The following CCDC102B variants were observed in gnomAD, a reference collection of about 807,000 sequenced individuals.
The protein encoded by CCDC102B is coiled-coil domain-containing protein 102B.
In CCDC102B, 75 loss-of-function variants were observed where a neutral mutation model predicts 57.4. The observed-to-expected ratio is 1.31, with a 90% CI of 1.08 to 1.58. The LOEUF (loss-of-function observed/expected upper bound fraction) is 1.58, where lower values mean the gene tolerates loss of function less well. CCDC102B is among the 40% of genes most tolerant of loss of function. The probability of loss-of-function intolerance (pLI) is 0.00; values close to 1 mark genes in which losing one functional copy is unlikely to be tolerated. For synonymous variants in CCDC102B, 206 were observed against 201.9 expected (o/e 1.02, Z -0.17); for missense variants, 636 against 582.6 (o/e 1.09, Z -0.94).
At chr18:68,988,409 AG>A (rs34810436) in intron 6 of CCDC102B, among the ~76,000 whole-genome samples, 152,009 of 152,010 alleles carry the variant, frequency 1, 76,004 homozygotes, top group Non-Finnish European at 1. Context: ...GGAGGGTGGG[AG>A]GGTATGGGTT....
intron 6 of CCDC102B, among the ~76,000 whole-genome samples, chr18:68,899,107 G>T (rs560955393): frequency 0.012 from 32 of 2,584 alleles, no homozygotes; most frequent in Admixed American, 0.019. Flanking sequence ...ATATCATTTT[G>T]ATGGTGAGGG....
intron 2 of CCDC102B, among the ~76,000 whole-genome samples, chr18:68,730,869 G>C (rs1175403557): frequency 2.0e-5 from 3 of 152,138 alleles, no homozygotes; most frequent in African/African-American, 4.8e-5. Flanking sequence ...AGTATCAAAA[G>C]GACTGAGTAA....
At chr18:68,953,074 A>G (rs1477976978) in intron 6 of CCDC102B, among the ~76,000 whole-genome samples, 1 of 152,118 alleles carries the variant, frequency 6.6e-6, no homozygotes, top group Non-Finnish European at 1.5e-5. Context: ...GCATTCAGCA[A>G]CATGGATAAA....
intron 1 of CCDC102B, among the ~76,000 whole-genome samples, chr18:68,829,084 A>C (rs189656255): frequency 1.4e-4 from 22 of 152,030 alleles, no homozygotes; most frequent in African/African-American, 5.3e-4. Context: ...ATTTGGATTC[A>C]CCAGAAATTT....
intron 5 of CCDC102B, among the ~76,000 whole-genome samples, chr18:68,883,052 T>A (rs758481695): frequency 2.3e-4 from 35 of 152,030 alleles, no homozygotes; most frequent in South Asian, 4.1e-4. Flanking sequence ...AGTGATGAAA[T>A]AATCTGTTTA....
chr18:69,031,100 G>C (rs2052129677), intron 7 of CCDC102B, among the ~76,000 whole-genome samples: 1 of 152,140 alleles, frequency 6.6e-6, no homozygotes, highest in African/African-American at 2.4e-5. Context: ...ACAAAGAAGA[G>C]GTTGCATGTA....
chr18:68,721,488 C>A (rs2032325786), intron 2 of CCDC102B: 1 of 152,132 alleles, frequency 6.6e-6, no homozygotes, highest in Non-Finnish European at 1.5e-5. Flanking sequence ...TCTTCTGAAT[C>A]TGGCTTCTTT....
intron 2 of CCDC102B, among the ~76,000 whole-genome samples, chr18:68,786,452 C>T (rs1266744067): frequency 2.6e-4 from 35 of 135,488 alleles, no homozygotes; most frequent in Non-Finnish European, 3.7e-4. Context: ...ATTCTTCCTA[C>T]CCATGAGCAT....
chr18:69,038,021 G>A (rs73453761), intron 7 of CCDC102B, among the ~76,000 whole-genome samples: 4,957 of 152,024 alleles, frequency 0.033, 284 homozygotes, highest in African/African-American at 0.11. Flanking sequence ...GATTGAAACA[G>A]ATTTATAAAA....
chr18:68,903,446 A>G (rs914822467), intron 6 of CCDC102B, among the ~76,000 whole-genome samples: 1 of 152,212 alleles, frequency 6.6e-6, no homozygotes, highest in Non-Finnish European at 1.5e-5. Flanking sequence ...ATATTTATCA[A>G]GAGAAGTCTT....
At chr18:68,888,457 G>C (rs1322343845) in intron 5 of CCDC102B, among the ~76,000 whole-genome samples, 1 of 152,158 alleles carries the variant, frequency 6.6e-6, no homozygotes, top group African/African-American at 2.4e-5. Flanking sequence ...CAAGAATTAA[G>C]TCTAGACCAG....
intron 7 of CCDC102B, among the ~76,000 whole-genome samples, chr18:69,023,080 A>AAAT (rs1398363539): frequency 6.6e-6 from 1 of 152,188 alleles, no homozygotes; most frequent in African/African-American, 2.4e-5. Context: ...GGCAAATGAA[A>AAAT]AATACAAACT....
intron 6 of CCDC102B, among the ~76,000 whole-genome samples, chr18:68,900,788 A>G (rs1424399042): frequency 2.0e-5 from 3 of 152,186 alleles, no homozygotes; most frequent in Admixed American, 6.6e-5. Flanking sequence ...CAACTATTCT[A>G]TTTATTCCAT....
chr18:68,872,028 G>T (rs930084357), intron 4 of CCDC102B, among the ~76,000 whole-genome samples: 3 of 151,956 alleles, frequency 2.0e-5, no homozygotes, highest in Non-Finnish European at 4.4e-5. Context: ...AGGGCAAGCT[G>T]ATTGAGTTAG....
intron 2 of CCDC102B, among the ~76,000 whole-genome samples, chr18:68,728,865 G>A (rs539999801): frequency 2.0e-5 from 3 of 152,120 alleles, no homozygotes; most frequent in African/African-American, 7.2e-5. Context: ...AGAAAAAAGA[G>A]AAAGGGGTAG....
chr18:68,992,799 T>G (rs111897640), intron 6 of CCDC102B: 8 of 161,126 alleles, frequency 5.0e-5, no homozygotes, highest in African/African-American at 1.9e-4. Flanking sequence ...GAACGCAGCC[T>G]CATGTAGCCA....
intron 6 of CCDC102B, among the ~76,000 whole-genome samples, chr18:68,951,576 G>A (rs2049698964): frequency 6.6e-6 from 1 of 152,080 alleles, no homozygotes; most frequent in African/African-American, 2.4e-5. Flanking sequence ...GGGAGGCTGA[G>A]GCTAGGGGAT....
At chr18:68,860,864 G>T (rs1340354363) in intron 4 of CCDC102B, among the ~76,000 whole-genome samples, 1 of 145,784 alleles carries the variant, frequency 6.9e-6, no homozygotes, top group African/African-American at 2.5e-5. Flanking sequence ...AGGTTAGGAA[G>T]GTAGGAATTT....
rs186781921 is a variant in CCDC102B, at chr18:68,978,741, G to A, written c.1264-32193G>A. On this transcript the variant is annotated intron_variant, in intron 6 of 7. Transcript: ENST00000360242. ...ATTCTTCTAAACAACTGGCAGGAAA[G>A]TCATTATTCATCAAGTGATTATTTT... Among the ~76,000 whole-genome samples the A allele has an allele frequency of 3.9e-5, 6 of 152,120 alleles. No homozygotes were observed. In the East Asian group the frequency reaches 1.2e-3, roughly 29 times the overall value.
Sources: allele counts gnomAD v4.1 joint callset (sites outside exome capture counted in the v4.1 genomes callset), GRCh38; gene constraint gnomAD v4.1.1; transcripts MANE v1.5; gene names NCBI Gene and HGNC (gene_info 2026-07-23, HGNC 2026-07-21).